The following DCPH1 variants were observed in gnomAD, a reference collection of about 807,000 sequenced individuals.
DCPH1 encodes the protein damage control phosphatase 1.
chr6:151,455,423 C>G, the DCPH1 span, among the ~76,000 whole-genome samples: 1 of 152,196 alleles, frequency 6.6e-6, no homozygotes, highest in African/African-American at 2.4e-5. Context: ...AGGGATGTGT[C>G]AGGGTCACAA....
chr6:151,456,147 G>A, the DCPH1 span, among the ~76,000 whole-genome samples: 2 of 152,186 alleles, frequency 1.3e-5, no homozygotes, highest in East Asian at 3.8e-4. Flanking sequence ...TTTCTACACA[G>A]ACACAGTAAC....
the DCPH1 span, among the ~76,000 whole-genome samples, chr6:151,460,044 C>T: frequency 6.6e-6 from 1 of 152,130 alleles, no homozygotes; most frequent in Admixed American, 6.5e-5. Context: ...TAATCTTACA[C>T]ACACACGTAT....
At chr6:151,455,094 G>T in the DCPH1 span, among the ~76,000 whole-genome samples, 2 of 152,162 alleles carry the variant, frequency 1.3e-5, no homozygotes, top group East Asian at 3.8e-4. Flanking sequence ...ATAATTGATT[G>T]ACACATTGTA....
chr6:151,462,608 G>C, the DCPH1 span, among the ~76,000 whole-genome samples: 1 of 152,120 alleles, frequency 6.6e-6, no homozygotes, highest in African/African-American at 2.4e-5. Context: ...TTTCAGTTTG[G>C]AGTTGTTAGG....
chr6:151,455,063 C>T, the DCPH1 span, among the ~76,000 whole-genome samples: 3 of 152,118 alleles, frequency 2.0e-5, no homozygotes, highest in Non-Finnish European at 4.4e-5. Context: ...AGCTGCTATG[C>T]AAAGCTCAGT....
the DCPH1 span, chr6:151,468,327 ACTTTTT>A: frequency 2.6e-6 from 4 of 1,514,032 alleles, no homozygotes; most frequent in East Asian, 2.3e-5. Flanking sequence ...AATATTTTGT[ACTTTTT>A]CTTTTTCAGA....
chr6:151,462,897 C>CT, the DCPH1 span, among the ~76,000 whole-genome samples: 42 of 152,194 alleles, frequency 2.8e-4, no homozygotes, highest in African/African-American at 1.0e-3. Flanking sequence ...TTTATTAGAA[C>CT]TTTCTGTAAA....
the DCPH1 span, chr6:151,468,824 A>G: frequency 1.9e-6 from 3 of 1,614,238 alleles, no homozygotes; most frequent in Admixed American, 3.3e-5. Context: ...GCAATGCCTC[A>G]GGTTGCACCT....
At chr6:151,453,702 C>T in the DCPH1 span, among the ~76,000 whole-genome samples, 1 of 152,188 alleles carries the variant, frequency 6.6e-6, no homozygotes, top group Admixed American at 6.5e-5. Flanking sequence ...CAGCTAAGCT[C>T]TGTGCTCTAT....
At chr6:151,454,098 C>G in the DCPH1 span, among the ~76,000 whole-genome samples, 2 of 152,082 alleles carry the variant, frequency 1.3e-5, no homozygotes, top group African/African-American at 2.4e-5. Flanking sequence ...ACCTTTAATT[C>G]TTTATGTTGT....
chr6:151,452,495 T>C, the DCPH1 span: 4 of 1,603,302 alleles, frequency 2.5e-6, no homozygotes, highest in Admixed American at 1.7e-5. Flanking sequence ...ACCGCCTCTG[T>C]TTCTGCGGCG....
chr6:151,460,489 T>C, the DCPH1 span, among the ~76,000 whole-genome samples: 1 of 151,688 alleles, frequency 6.6e-6, no homozygotes, highest in African/African-American at 2.4e-5. Flanking sequence ...AATACACTAT[T>C]AAAACTCTGG....
At chr6:151,468,307 A>T in the DCPH1 span, 4 of 1,451,384 alleles carry the variant, frequency 2.8e-6, no homozygotes, top group Non-Finnish European at 3.7e-6. Context: ...GGCTATTCAG[A>T]AGAAGGGTGA....
At chr6:151,467,721 A>G in the DCPH1 span, among the ~76,000 whole-genome samples, 1 of 152,178 alleles carries the variant, frequency 6.6e-6, no homozygotes, top group Non-Finnish European at 1.5e-5. Flanking sequence ...AGGCCTACAT[A>G]CTGTTTTTCT....
At chr6:151,457,737 G>A in the DCPH1 span, among the ~76,000 whole-genome samples, 2 of 150,126 alleles carry the variant, frequency 1.3e-5, no homozygotes. Context: ...TTATATACGT[G>A]TCTTATTAGG....
chr6:151,468,241 T>C, the DCPH1 span: 1 of 716,564 alleles, frequency 1.4e-6, no homozygotes, highest in Admixed American at 2.7e-5. Context: ...GTTTTGTAGA[T>C]ATTTAGTAGT....
At chr6:151,458,047 T>C in the DCPH1 span, among the ~76,000 whole-genome samples, 1 of 152,174 alleles carries the variant, frequency 6.6e-6, no homozygotes, top group Non-Finnish European at 1.5e-5. Context: ...ATGAAAGACA[T>C]GGAAAATCTG....
chr6:151,452,485 A>T, the DCPH1 span: 12 of 1,589,824 alleles, frequency 7.5e-6, no homozygotes, highest in East Asian at 2.3e-4. Flanking sequence ...TCGCGGCGGT[A>T]CCGCCTCTGT....
the DCPH1 span, chr6:151,458,357 C>A: frequency 6.2e-7 from 1 of 1,613,074 alleles, no homozygotes; most frequent in Non-Finnish European, 8.5e-7. Flanking sequence ...AGAAAGCTAT[C>A]TCTCTCCTTT....
Sources: gnomAD v4.1 joint callset for allele counts (sites outside exome capture counted in the v4.1 genomes callset) on GRCh38, gnomAD v4.1.1 for gene constraint, MANE v1.5 for transcripts, NCBI Gene and HGNC (gene_info 2026-07-23, HGNC 2026-07-21) for gene names.